Variants in MFSD11 observed in about 807,000 individuals in gnomAD.
MFSD11 encodes UNC93-like protein MFSD11.
MFSD11 carries 36 observed loss-of-function variants against 53.5 expected under a neutral mutation model. That is an observed-to-expected ratio of 0.67 (90% confidence interval 0.52 to 0.89). The LOEUF (loss-of-function observed/expected upper bound fraction) is 0.89, where lower values mean the gene tolerates loss of function less well. Ranked by LOEUF, MFSD11 falls within the 40% of genes least tolerant of loss-of-function variation. The probability of loss-of-function intolerance (pLI) is 0.00; values close to 1 mark genes in which losing one functional copy is unlikely to be tolerated. For synonymous variants in MFSD11, 186 were observed against 184.9 expected, an observed-to-expected ratio of 1.01 and a Z score of -0.05; for missense variants, 530 against 543.9, an observed-to-expected ratio of 0.97 and a Z score of 0.25.
Position 76,776,481 on chromosome 17 carries a change from C to CT in MFSD11, c.1127dup (p.Leu376PhefsTer7), listed in dbSNP as rs776371976. ...GCTTTAATACCCAGCTGCTTAGTAT[C>CT]TTGGGCTTTCTGTATTCTGAAGACA... On this transcript the variant is annotated frameshift_variant, in exon 12 of 13. Transcript: ENST00000685175. LOFTEE classifies it high-confidence loss of function. This position sits in a 1 kb window ranked among gnomAD's most constrained non-coding sequence, Gnocchi z 4.2. 1 of 1,614,080 alleles carries CT rather than the reference C, an allele frequency of 6.2e-7. No individual in the cohort carries two copies. Among genetic ancestry groups the CT allele is most frequent in the Non-Finnish European group, 8.5e-7 (1 of 1,180,020 alleles).
At chr17:76,783,124 C>G (rs888421852), downstream of MFSD11, among the ~76,000 whole-genome samples, 1 of 148,738 alleles carries the variant, frequency 6.7e-6, no homozygotes, top group Non-Finnish European at 1.5e-5. Context: ...TTGCAGTGAG[C>G]CAAGATCACG....
chr17:76,794,797 ATTC>A, the MFSD11 span, among the ~76,000 whole-genome samples: 1 of 142,524 alleles, frequency 7.0e-6, no homozygotes, highest in East Asian at 2.3e-4. Context: ...GGTTCAAGCG[ATTC>A]TCCTGCCTCA....
chr17:76,798,889 T>C, the MFSD11 span, among the ~76,000 whole-genome samples: 2 of 151,576 alleles, frequency 1.3e-5, no homozygotes, highest in South Asian at 4.2e-4. Flanking sequence ...TAGCCAGGCA[T>C]GGTGGCACAT....
rs1042609055 is a variant in MFSD11 at position 76,778,458 on chromosome 17, G to C, written c.*106G>C. ...TTCACTATATATTGGGTGATGTTCA[G>C]TATGGAAAATCAAGGGATTAAGACT... On this transcript the variant is annotated 3_prime_UTR_variant, in exon 13 of 13. Transcript: ENST00000685175. 4.4e-6 allele frequency: 5 copies of C among 1,144,168 alleles called. No individual in the cohort carries two copies. The highest frequency in any genetic ancestry group is 6.3e-6 in the Non-Finnish European group (5 of 795,186). 70.9% of individuals were successfully genotyped at this position (1,144,168 alleles called of 1,614,324 possible).
intron 12 of MFSD11, among the ~76,000 whole-genome samples, chr17:76,777,524 C>T (rs927645618): frequency 3.3e-5 from 5 of 152,184 alleles, no homozygotes; most frequent in African/African-American, 7.2e-5. Flanking sequence ...CATGAGCCAC[C>T]GCCCCGGCTA....
intron 7 of MFSD11, among the ~76,000 whole-genome samples, chr17:76,750,139 G>A (rs1180127020): frequency 6.6e-6 from 1 of 151,996 alleles, no homozygotes; most frequent in African/African-American, 2.4e-5. Flanking sequence ...GTGATTTGCA[G>A]CTGAATTATT....
At chr17:76,761,908 T>TAGAC (rs1753873623) in intron 8 of MFSD11, among the ~76,000 whole-genome samples, 1 of 147,962 alleles carries the variant, frequency 6.8e-6, no homozygotes, top group African/African-American at 2.5e-5. Flanking sequence ...GCGACAGAGC[T>TAGAC]AGACTCCGTC....
chr17:76,741,121 T>C (rs1437105851), intron 3 of MFSD11, 57 bp downstream of exon 3: 2 of 1,066,736 alleles, frequency 1.9e-6, no homozygotes, highest in Non-Finnish European at 1.5e-6. Flanking sequence ...ATCTTTCAAG[T>C]AGATAGTAAA....
In MFSD11 at chr17:76,774,858, G is replaced by A. The variant is rs1265740853; in HGVS notation, c.875-139G>A. 6.6e-6 allele frequency: 5 copies of A among 759,130 alleles called. 1 individual carries two copies. The South Asian group carries it at 9.2e-5, about 14-fold the overall frequency. The allele number at this position is 759,130 out of a possible 1,614,324, so 47.0% of individuals were successfully genotyped here. A position where few individuals can be genotyped will look rare whatever the true frequency, so the allele number is the denominator to read the frequency against. ...TGCTTGGTCATCATTATCATTGTCT[G>A]CAAGTGCTGAGGTGTTGGGTTTTTT... is the stretch of plus-strand genomic sequence containing the variant. On this transcript the variant is annotated intron_variant, in intron 10 of 12. Coordinates refer to ENST00000685175, the MANE Select transcript of MFSD11 (RefSeq NM_001242532.5).
At chr17:76,755,813 T>TATATATATATATA (rs1491559378) in intron 8 of MFSD11, among the ~76,000 whole-genome samples, 98 of 14,984 alleles carry the variant, frequency 6.5e-3, no homozygotes, top group East Asian at 0.011. Context: ...TATATATATA[T>TATATATATATATA]TTTTTTTTTT....
upstream of MFSD11, chr17:76,736,813 T>C (rs1234366669): frequency 1.9e-6 from 3 of 1,584,106 alleles, no homozygotes; most frequent in African/African-American, 2.7e-5. Flanking sequence ...GGCTCCGGCG[T>C]CCGTAGCCAC....
chr17:76,744,493 A>G, intron 7 of MFSD11, 27 bp downstream of exon 7: 1 of 1,596,264 alleles, frequency 6.3e-7, no homozygotes, highest in Non-Finnish European at 8.5e-7. Context: ...ATTCTATTTT[A>G]TTTTAAAATA....
chr17:76,742,103 G>A, intron 4 of MFSD11, 55 bp downstream of exon 4: 1 of 1,613,856 alleles, frequency 6.2e-7, no homozygotes, highest in Non-Finnish European at 8.5e-7. Flanking sequence ...CTATCTAAGG[G>A]TATTATTTAT....
chr17:76,740,540 A>G (rs921912252), intron 2 of MFSD11, among the ~76,000 whole-genome samples: 5 of 152,224 alleles, frequency 3.3e-5, no homozygotes, highest in African/African-American at 1.2e-4. Flanking sequence ...TCCTGGCTCG[A>G]CATTCACCAG....
At chr17:76,774,619 C>G (rs1345710825) in intron 10 of MFSD11, among the ~76,000 whole-genome samples, 1 of 152,176 alleles carries the variant, frequency 6.6e-6, no homozygotes, top group African/African-American at 2.4e-5. Flanking sequence ...ATAGTGACTG[C>G]CTTTCAGTGT....
chr17:76,797,332 G>A, the MFSD11 span, among the ~76,000 whole-genome samples: 7 of 152,132 alleles, frequency 4.6e-5, no homozygotes, highest in East Asian at 1.4e-3. Flanking sequence ...GAAAAGGAGC[G>A]AGCAAGCCCC....
chr17:76,737,269 G>A, upstream of MFSD11: 2 of 1,406,706 alleles, frequency 1.4e-6, no homozygotes, highest in Non-Finnish European at 1.9e-6. Context: ...GGGACACTGG[G>A]AAAGGCCTTG....
chr17:76,803,554 CGAT>C, the MFSD11 span, among the ~76,000 whole-genome samples: 5,162 of 152,200 alleles, frequency 0.034, 336 homozygotes, highest in East Asian at 0.28. Context: ...ACCCTGCACT[CGAT>C]GGATCATCTG....
chr17:76,742,131 C>T (rs534606826), intron 4 of MFSD11, 46 bp from the exon 5 acceptor site: 2 of 1,613,344 alleles, frequency 1.2e-6, no homozygotes, highest in Non-Finnish European at 1.7e-6. Context: ...GTATGTGACT[C>T]TAAGTGAATT....
Sources: gnomAD v4.1 joint callset for allele counts (sites outside exome capture counted in the v4.1 genomes callset) on GRCh38, gnomAD v4.1.1 for gene constraint, Gnocchi (gnomAD v3.1) non-coding constraint, MANE v1.5 for transcripts, NCBI Gene and HGNC (gene_info 2026-07-23, HGNC 2026-07-21) for gene names.